The following BLTP3B variants were observed in gnomAD, a reference collection of about 807,000 sequenced individuals.
BLTP3B encodes bridge-like lipid transfer protein family member 3B.
chr12:100,039,873 A>G, the BLTP3B span: 2 of 1,246,106 alleles, frequency 1.6e-6, no homozygotes, highest in East Asian at 5.1e-5. Flanking sequence ...ATCTAATTTA[A>G]AACTAAATAT....
the BLTP3B span, among the ~76,000 whole-genome samples, chr12:100,053,568 T>G: frequency 2.0e-5 from 3 of 152,242 alleles, no homozygotes; most frequent in Non-Finnish European, 4.4e-5. Context: ...TATGTATACA[T>G]GCACGCATGC....
At chr12:100,055,295 A>G in the BLTP3B span, among the ~76,000 whole-genome samples, 2 of 152,232 alleles carry the variant, frequency 1.3e-5, no homozygotes, top group Admixed American at 6.5e-5. Flanking sequence ...TAAAATGAAG[A>G]TAACAGTTCC....
chr12:100,051,075 T>C, the BLTP3B span: 1 of 1,613,358 alleles, frequency 6.2e-7, no homozygotes. Context: ...GAAATGATTA[T>C]TACCAGGTCA....
chr12:100,102,359 G>A, the BLTP3B span, among the ~76,000 whole-genome samples: 39 of 151,572 alleles, frequency 2.6e-4, no homozygotes, highest in African/African-American at 8.7e-4. Flanking sequence ...GAATCCACCC[G>A]CCTCGGCCTC....
At chr12:100,064,139 G>C in the BLTP3B span, among the ~76,000 whole-genome samples, 1 of 152,132 alleles carries the variant, frequency 6.6e-6, no homozygotes, top group Non-Finnish European at 1.5e-5. Flanking sequence ...AATGCGAAAT[G>C]CTATAGAAAG....
chr12:100,048,777 T>A, the BLTP3B span, among the ~76,000 whole-genome samples: 150 of 130,834 alleles, frequency 1.1e-3, no homozygotes, highest in South Asian at 3.1e-3. Context: ...AGTGAGTGTG[T>A]GTGTGTGTGT....
At chr12:100,079,177 C>T in the BLTP3B span, among the ~76,000 whole-genome samples, 2 of 152,150 alleles carry the variant, frequency 1.3e-5, no homozygotes, top group African/African-American at 4.8e-5. Context: ...TGGGGCACTG[C>T]TGAAAAGATA....
At chr12:100,120,709 T>G in the BLTP3B span, among the ~76,000 whole-genome samples, 1 of 152,138 alleles carries the variant, frequency 6.6e-6, no homozygotes, top group Non-Finnish European at 1.5e-5. Context: ...AGCATATACC[T>G]AACCATTCTA....
the BLTP3B span, among the ~76,000 whole-genome samples, chr12:100,044,572 G>A: frequency 6.6e-6 from 1 of 152,104 alleles, no homozygotes; most frequent in African/African-American, 2.4e-5. Flanking sequence ...TGTTAGAGTG[G>A]AGATGCAAAC....
the BLTP3B span, chr12:100,059,772 T>G: frequency 1.9e-3 from 2,591 of 1,383,170 alleles, 51 homozygotes; most frequent in East Asian, 0.043. Context: ...TAATAATCAA[T>G]GTAACATACA....
chr12:100,124,939 T>TATATATAC, the BLTP3B span, among the ~76,000 whole-genome samples: 16 of 27,704 alleles, frequency 5.8e-4, no homozygotes, highest in East Asian at 9.7e-3. Flanking sequence ...AAAAATTTTA[T>TATATATAC]ATATATATAT....
chr12:100,048,201 G>T, the BLTP3B span: 1 of 1,569,262 alleles, frequency 6.4e-7, no homozygotes, highest in South Asian at 1.2e-5. Context: ...CGGAACCTAA[G>T]GAAAATGAAC....
At chr12:100,058,200 C>T in the BLTP3B span, 1 of 1,612,944 alleles carries the variant, frequency 6.2e-7, no homozygotes, top group Non-Finnish European at 8.5e-7. Flanking sequence ...GTTTTGATTA[C>T]CATCACTATC....
chr12:100,060,030 G>A, the BLTP3B span: 3 of 1,595,010 alleles, frequency 1.9e-6, no homozygotes, highest in Non-Finnish European at 2.6e-6. Flanking sequence ...GGCTATAGAG[G>A]TTGGGAGATG....
At chr12:100,108,143 A>G in the BLTP3B span, among the ~76,000 whole-genome samples, 5 of 152,234 alleles carry the variant, frequency 3.3e-5, no homozygotes, top group Non-Finnish European at 7.3e-5. Flanking sequence ...TAACAAATTA[A>G]TAATTTTGAA....
At chr12:100,117,922 T>G in the BLTP3B span, among the ~76,000 whole-genome samples, 2 of 152,304 alleles carry the variant, frequency 1.3e-5, no homozygotes, top group South Asian at 2.1e-4. Context: ...CTCATTTATA[T>G]GCATCAGATT....
At chr12:100,131,004 AG>A in the BLTP3B span, among the ~76,000 whole-genome samples, 1 of 115,308 alleles carries the variant, frequency 8.7e-6, no homozygotes, top group Non-Finnish European at 1.8e-5. Context: ...AGAGAGAGAG[AG>A]AGAGAGAGAG....
chr12:100,102,951 TTAGGAAGAAAGTAAAA>T, the BLTP3B span: 32 of 853,848 alleles, frequency 3.7e-5, no homozygotes, highest in Admixed American at 7.3e-5. Flanking sequence ...TCATTTTTCT[TTAGGAAGAAAGTAAAA>T]AGTGAGCAGA....
chr12:100,057,585 A>G, the BLTP3B span: 4 of 1,607,398 alleles, frequency 2.5e-6, no homozygotes, highest in Admixed American at 5.1e-5. Flanking sequence ...TTCCAAAAAC[A>G]TATGGCTATC....
Sources: gnomAD v4.1 joint callset for allele counts (sites outside exome capture counted in the v4.1 genomes callset) on GRCh38, gnomAD v4.1.1 for gene constraint, MANE v1.5 for transcripts, NCBI Gene and HGNC (gene_info 2026-07-23, HGNC 2026-07-21) for gene names.